VIPR2: variants seen among roughly 807,000 people sequenced by gnomAD.
VIPR2 encodes the protein vasoactive intestinal peptide receptor 2.
Under a neutral mutation model 58.0 loss-of-function variants are expected in VIPR2, and 48 were observed. The ratio of observed to expected loss-of-function variants is 0.83; its 90% CI spans 0.66 to 1.05. The LOEUF is 1.05. Among genes scored for constraint, VIPR2 ranks in the 50% least tolerant of loss-of-function variants. The probability of loss-of-function intolerance (pLI) is 0.00; values close to 1 mark genes in which losing one functional copy is unlikely to be tolerated. For missense variants in VIPR2, 534 were observed against 558.0 expected, an observed-to-expected ratio of 0.96 and a Z score of 0.43; for synonymous variants, 243 against 235.2, an observed-to-expected ratio of 1.03 and a Z score of -0.30.
At chr7:159,114,354 G>A (rs1284591078) in intron 2 of VIPR2, among the ~76,000 whole-genome samples, 1 of 151,956 alleles carries the variant, frequency 6.6e-6, no homozygotes, top group African/African-American at 2.4e-5. Flanking sequence ...TTGGAAAGCA[G>A]TGGGCAGCTG....
At chr7:159,135,470 G>A (rs1797177948) in intron 2 of VIPR2, among the ~76,000 whole-genome samples, 1 of 151,902 alleles carries the variant, frequency 6.6e-6, no homozygotes, top group Non-Finnish European at 1.5e-5. Flanking sequence ...TATTTAAAAA[G>A]GAAAGTTCTT....
chr7:159,084,872 A>G (rs1365777753), intron 4 of VIPR2, among the ~76,000 whole-genome samples: 1 of 152,168 alleles, frequency 6.6e-6, no homozygotes, highest in African/African-American at 2.4e-5. Flanking sequence ...TGTTTTAGAC[A>G]CCGTCAGAAA....
chr7:159,092,928 C>G (rs988549724), intron 4 of VIPR2, among the ~76,000 whole-genome samples: 1 of 152,146 alleles, frequency 6.6e-6, no homozygotes, highest in Non-Finnish European at 1.5e-5. Flanking sequence ...CTTCTGCTCT[C>G]AAGACTCAGG....
At chr7:159,075,808 C>T (rs1435912543) in intron 4 of VIPR2, among the ~76,000 whole-genome samples, 3 of 144,478 alleles carry the variant, frequency 2.1e-5, no homozygotes, top group Non-Finnish European at 3.0e-5. Flanking sequence ...AGCCCAGGGC[C>T]GGCACCCACG....
intron 7 of VIPR2, 97 bp downstream of exon 7, chr7:159,036,655 C>CG (rs1853977711): frequency 7.0e-7 from 1 of 1,435,956 alleles, no homozygotes; most frequent in African/African-American, 1.4e-5. Flanking sequence ...ATGCATTCTA[C>CG]GGGGGCGGCA....
At chr7:159,037,752 C>T (rs1854065079) in intron 6 of VIPR2, among the ~76,000 whole-genome samples, 1 of 150,586 alleles carries the variant, frequency 6.6e-6, no homozygotes, top group Non-Finnish European at 1.5e-5. Flanking sequence ...ATGTACCAGG[C>T]ATTTCAGCTT....
chr7:159,073,285 A>G (rs915026073), intron 4 of VIPR2, among the ~76,000 whole-genome samples: 2 of 152,240 alleles, frequency 1.3e-5, no homozygotes, highest in Non-Finnish European at 2.9e-5. Context: ...AGTATACTAA[A>G]TACACACACC....
At chr7:159,121,487 C>T (rs1230453351) in intron 2 of VIPR2, among the ~76,000 whole-genome samples, 1 of 152,178 alleles carries the variant, frequency 6.6e-6, no homozygotes, top group African/African-American at 2.4e-5. Flanking sequence ...TTCATTTTGA[C>T]ACACTGTTAC....
Position 159,058,486 on chromosome 7 carries a change from G to A in VIPR2, c.450C>T (p.Leu150=), listed in dbSNP as rs761037062. 87 of 1,612,054 alleles carry A rather than the reference G, an allele frequency of 5.4e-5. No individual in the cohort carries two copies. The highest frequency in any genetic ancestry group is 7.2e-5 in the Non-Finnish European group (85 of 1,178,356). Reference sequence around the variant, plus strand: ...TACTAATTTCTGCTCCTTACCTGAAGAGGCACAGAATTATGCTTCCTGTTG... The same window carrying A: ...TACTAATTTCTGCTCCTTACCTGAAAAGGCACAGAATTATGCTTCCTGTTG... ...SLATGSIILC[L]FRKLHCTRNY... The change falls in exon 5 of 13, where the codon CTC becomes CTT. Residue 150 remains leucine, a synonymous_variant. Coordinates refer to ENST00000262178, the MANE Select transcript of VIPR2 (RefSeq NM_003382.5).
chr7:159,110,218 A>G (rs1795939021), intron 2 of VIPR2, among the ~76,000 whole-genome samples: 1 of 152,258 alleles, frequency 6.6e-6, no homozygotes, highest in African/African-American at 2.4e-5. Context: ...AATGGGCACC[A>G]CTGGGTATTA....
intron 4 of VIPR2, among the ~76,000 whole-genome samples, chr7:159,071,334 C>T (rs1214103090): frequency 3.3e-5 from 5 of 152,230 alleles, no homozygotes; most frequent in Non-Finnish European, 5.9e-5. Context: ...CCGGCTCAGC[C>T]TCCCATCTTG....
intron 4 of VIPR2, among the ~76,000 whole-genome samples, chr7:159,080,353 C>T (rs1000719110): frequency 6.6e-6 from 1 of 152,086 alleles, no homozygotes. Flanking sequence ...ATAAACAGAA[C>T]CAAAGACAAA....
chr7:159,032,681 C>T (rs1222098396), intron 10 of VIPR2, among the ~76,000 whole-genome samples: 1 of 152,194 alleles, frequency 6.6e-6, no homozygotes, highest in African/African-American at 2.4e-5. Context: ...CAGAGTTACA[C>T]AGAAAGGACC....
intron 4 of VIPR2, among the ~76,000 whole-genome samples, chr7:159,062,865 T>C (rs1198447325): frequency 6.7e-6 from 1 of 148,868 alleles, no homozygotes; most frequent in Admixed American, 6.7e-5. Flanking sequence ...AGCTGATTGG[T>C]CCGTTTTGAC....
chr7:159,068,999 T>C (rs1856245674), intron 4 of VIPR2, among the ~76,000 whole-genome samples: 1 of 152,160 alleles, frequency 6.6e-6, no homozygotes, highest in South Asian at 2.1e-4. Flanking sequence ...GGCAGGCCCC[T>C]GTCTCTGGGC....
chr7:159,106,964 G>A (rs938370034), intron 3 of VIPR2, among the ~76,000 whole-genome samples: 1 of 151,708 alleles, frequency 6.6e-6, no homozygotes, highest in Non-Finnish European at 1.5e-5. Context: ...AGGCCAGGGA[G>A]GTGCAGAGAG....
intron 4 of VIPR2, among the ~76,000 whole-genome samples, chr7:159,061,251 C>T (rs1855632079): frequency 6.6e-6 from 1 of 151,396 alleles, no homozygotes; most frequent in Non-Finnish European, 1.5e-5. Flanking sequence ...TGCTCTGTAG[C>T]TGGGTGGCGG....
rs1219936456 is a variant in VIPR2, at chr7:159,097,896, G to A, written c.357+5861C>T. On this transcript the variant is annotated intron_variant, in intron 4 of 12. Coordinates refer to ENST00000262178, the MANE Select transcript of VIPR2 (RefSeq NM_003382.5). This position sits in a 1 kb window ranked among gnomAD's most constrained non-coding sequence, Gnocchi z 5.3. ...TGGACTGCTGAGGCCAAGGCTTCTGGCCTCTCGTGTAAGGATTCCAGGCTC... is the reference window on the plus strand; with the variant it reads ...TGGACTGCTGAGGCCAAGGCTTCTGACCTCTCGTGTAAGGATTCCAGGCTC... Among the ~76,000 whole-genome samples the A allele has an allele frequency of 6.6e-6, 1 of 152,152 alleles. No homozygotes were observed. The highest frequency in any genetic ancestry group is 1.5e-5 in the Non-Finnish European group (1 of 68,018).
chr7:159,132,453 G>T (rs1432312052), intron 2 of VIPR2, among the ~76,000 whole-genome samples: 2 of 151,332 alleles, frequency 1.3e-5, no homozygotes, highest in African/African-American at 4.8e-5. Flanking sequence ...ACAGGAACTG[G>T]CCTGGATCCA....
Sources: allele counts gnomAD v4.1 joint callset (sites outside exome capture counted in the v4.1 genomes callset), GRCh38; gene constraint gnomAD v4.1.1; non-coding constraint Gnocchi (gnomAD v3.1); transcripts MANE v1.5; gene names NCBI Gene and HGNC (gene_info 2026-07-23, HGNC 2026-07-21).